ADAM10: variants seen among roughly 807,000 people sequenced by gnomAD.
The protein encoded by ADAM10 is ADAM metallopeptidase domain 10, also known as disintegrin and metalloproteinase domain-containing protein 10.
ADAM10 carries 17 observed loss-of-function variants against 90.1 expected under a neutral mutation model. That is an observed-to-expected ratio of 0.19 (90% CI 0.13 to 0.28). ADAM10 has a LOEUF of 0.28. ADAM10 is among the 10% of genes least tolerant of loss of function. The probability of loss-of-function intolerance (pLI) is 1.00; values close to 1 mark genes in which losing one functional copy is unlikely to be tolerated. For missense variants in ADAM10, 610 were observed against 914.3 expected (o/e 0.67, Z 4.29); for synonymous variants, 310 against 298.6 (o/e 1.04, Z -0.40).
rs1320998812 is a variant in ADAM10 at position 58,591,399 on chromosome 15, C to T, written c.*6148G>A. ...TAAAATAAAAACAGTAATGAATCAG[C>T]TTCTATAGGAATTTGATTCACATTT... On this transcript the variant is annotated 3_prime_UTR_variant, in exon 16 of 16. Transcript: ENST00000260408. The T allele has an allele frequency of 6.6e-6, 1 of 152,078 alleles. No homozygotes were observed. Among genetic ancestry groups the T allele is most frequent in the Non-Finnish European group, 1.5e-5 (1 of 68,036 alleles). 9.4% of individuals were successfully genotyped at this position (152,078 alleles called of 1,614,324 possible). A position where few individuals can be genotyped will look rare whatever the true frequency, so the allele number is the denominator to read the frequency against.
In ADAM10 at chr15:58,689,790, AG is replaced by A. The variant is rs1378942408; in HGVS notation, c.207-7477del. 8.5e-5 allele frequency among the ~76,000 whole-genome samples: 13 copies of A among 152,206 alleles called. No homozygotes were observed. In the East Asian group the frequency reaches 2.5e-3, roughly 29 times the overall value. On this transcript the variant is annotated intron_variant, in intron 2 of 15. Transcript: ENST00000260408. ...ATCTGAATAAGCCCCTATCTACTGAAGAAAATGAATTCATGATTTAAGGCCT... is the reference window on the plus strand; with the variant it reads ...ATCTGAATAAGCCCCTATCTACTGAAAAAATGAATTCATGATTTAAGGCCT...
intron 5 of ADAM10, among the ~76,000 whole-genome samples, chr15:58,657,888 G>GTT (rs199921945): frequency 0.02 from 2,850 of 141,436 alleles, 85 homozygotes; most frequent in African/African-American, 0.064. Flanking sequence ...TGGGGTTTGT[G>GTT]TTTTTTTTTT....
At chr15:58,619,167 CT>C (rs1414325594) in intron 11 of ADAM10, among the ~76,000 whole-genome samples, 3 of 152,014 alleles carry the variant, frequency 2.0e-5, no homozygotes, top group African/African-American at 7.2e-5. Context: ...GAGCAAAATA[CT>C]GTCATGTGCA....
intron 2 of ADAM10, among the ~76,000 whole-genome samples, chr15:58,708,363 A>T (rs1898369989): frequency 6.7e-6 from 1 of 149,644 alleles, no homozygotes; most frequent in East Asian, 1.9e-4. Context: ...GGTGACAGAT[A>T]AAAAAAAAAT....
chr15:58,597,596 T>A lies in ADAM10; in HGVS notation c.2198A>T (p.Gln733Leu). Reference sequence around the variant, plus strand: ...ATAACTCTCTCGGGGCCGCTGACGCTGGGGTTGCTGAATGGGCTGTGGAGG... The same window carrying A: ...ATAACTCTCTCGGGGCCGCTGACGCAGGGGTTGCTGAATGGGCTGTGGAGG... ...RRPPQPIQQP[Q>L]RQRPRESYQM... Residue 733 changes from glutamine to leucine, a missense_variant, in exon 16 of 16, where the codon CAG becomes CTG. Coordinates refer to ENST00000260408, the MANE Select transcript of ADAM10 (RefSeq NM_001110.4). The A allele has an allele frequency of 6.2e-7, 1 of 1,614,128 alleles. No homozygotes were observed. The highest frequency in any genetic ancestry group is 8.5e-7 in the Non-Finnish European group (1 of 1,180,008).
intron 5 of ADAM10, among the ~76,000 whole-genome samples, chr15:58,663,305 A>G (rs1897011161): frequency 6.6e-6 from 1 of 152,154 alleles, no homozygotes; most frequent in African/African-American, 2.4e-5. Context: ...TTCTGGATCC[A>G]TTTATTCAAT....
chr15:58,748,844 C>A, intron 1 of ADAM10: 1 of 398,540 alleles, frequency 2.5e-6, no homozygotes, highest in Admixed American at 4.4e-5. Flanking sequence ...ACCGAGGCCA[C>A]TAGTCTCAGA....
At chr15:58,709,466 C>T (rs543835111) in intron 2 of ADAM10, among the ~76,000 whole-genome samples, 21 of 152,288 alleles carry the variant, frequency 1.4e-4, no homozygotes, top group African/African-American at 5.1e-4. Context: ...TGGCCAGGCA[C>T]GGTGACTCAC....
chr15:58,670,099 G>T (rs1462365457), intron 4 of ADAM10, among the ~76,000 whole-genome samples: 1 of 151,668 alleles, frequency 6.6e-6, no homozygotes, highest in Non-Finnish European at 1.5e-5. Flanking sequence ...GCAGTTTATT[G>T]CTATCAATTT....
intron 14 of ADAM10, among the ~76,000 whole-genome samples, chr15:58,602,801 G>A (rs1334781664): frequency 6.6e-6 from 1 of 152,080 alleles, no homozygotes; most frequent in Non-Finnish European, 1.5e-5. Flanking sequence ...TGTAAAAACT[G>A]TATCATGGTT....
At chr15:58,647,130 C>T (rs569740536) in intron 5 of ADAM10, among the ~76,000 whole-genome samples, 1 of 152,110 alleles carries the variant, frequency 6.6e-6, no homozygotes, top group East Asian at 1.9e-4. Flanking sequence ...AATTTCTGTC[C>T]ACATCCCACT....
intron 5 of ADAM10, among the ~76,000 whole-genome samples, chr15:58,657,864 G>A (rs902830080): frequency 1.1e-4 from 17 of 150,056 alleles, no homozygotes; most frequent in African/African-American, 4.1e-4. Flanking sequence ...CAGGTGCACT[G>A]TCCATTTTTT....
intron 1 of ADAM10, chr15:58,748,636 T>C (rs117406969): frequency 3.3e-6 from 1 of 302,878 alleles, no homozygotes; most frequent in East Asian, 5.3e-5. Flanking sequence ...CCTGAAAGTT[T>C]AACGAAACTC....
chr15:58,662,311 C>T (rs1896987415), intron 5 of ADAM10, among the ~76,000 whole-genome samples: 1 of 152,168 alleles, frequency 6.6e-6, no homozygotes, highest in African/African-American at 2.4e-5. Flanking sequence ...AGCCCTGCTA[C>T]TACCACGGCT....
intron 14 of ADAM10, 41 bp from the exon 15 acceptor site, chr15:58,599,765 A>G (rs1253125636): frequency 6.3e-7 from 1 of 1,579,408 alleles, no homozygotes; most frequent in South Asian, 1.1e-5. Context: ...AAAAAAAACT[A>G]CAAAATATTT....
intron 1 of ADAM10, chr15:58,748,765 G>A (rs981570917): frequency 2.8e-5 from 11 of 396,120 alleles, no homozygotes; most frequent in Middle Eastern, 1.3e-3. Flanking sequence ...TCCCCTGGGC[G>A]ACAGAATGTT....
intron 1 of ADAM10, among the ~76,000 whole-genome samples, chr15:58,735,452 C>G (rs1192687997): frequency 1.3e-5 from 2 of 152,156 alleles, no homozygotes; most frequent in African/African-American, 4.8e-5. Flanking sequence ...TCAAGGACTT[C>G]CCACAGATAT....
intron 1 of ADAM10, among the ~76,000 whole-genome samples, chr15:58,741,689 T>G (rs530005499): frequency 6.6e-6 from 1 of 152,312 alleles, no homozygotes; most frequent in South Asian, 2.1e-4. Context: ...CGTTAAACAT[T>G]TGCCCAGTTT....
chr15:58,643,742 G>C (rs549133145), intron 7 of ADAM10, 144 bp downstream of exon 7: 6 of 685,550 alleles, frequency 8.8e-6, no homozygotes, highest in Non-Finnish European at 1.5e-5. Context: ...AATGCCAGGA[G>C]TAAAAAACTG....
Sources: allele counts gnomAD v4.1 joint callset (sites outside exome capture counted in the v4.1 genomes callset), GRCh38; gene constraint gnomAD v4.1.1; transcripts MANE v1.5; gene names NCBI Gene and HGNC (gene_info 2026-07-23, HGNC 2026-07-21).